Variants in FGF12 observed in about 807,000 individuals in gnomAD.
FGF12 encodes fibroblast growth factor 12.
A neutral mutation model predicts 23.6 loss-of-function variants in FGF12; 14 were observed. That is an observed-to-expected ratio of 0.59 (90% CI 0.39 to 0.93). The LOEUF is 0.93. Among genes scored for constraint, FGF12 ranks in the 40% least tolerant of loss-of-function variants. The pLI is 0.00. For synonymous variants in FGF12, 62 were observed against 77.3 expected, an observed-to-expected ratio of 0.80 and a Z score of 1.04; for missense variants, 175 against 217.8, an observed-to-expected ratio of 0.80 and a Z score of 1.24.
chr3:192,549,897 G>T (rs943076633), intron 2 of FGF12, among the ~76,000 whole-genome samples: 9 of 152,082 alleles, frequency 5.9e-5, no homozygotes, highest in African/African-American at 2.2e-4. Context: ...TTCAGACTTG[G>T]ACAGAAGCTA....
chr3:192,163,670 G>A (rs1458060228), intron 5 of FGF12, among the ~76,000 whole-genome samples: 1 of 152,136 alleles, frequency 6.6e-6, no homozygotes, highest in African/African-American at 2.4e-5. Flanking sequence ...TTTGCTCTGA[G>A]AATCTGTTAG....
intron 5 of FGF12, among the ~76,000 whole-genome samples, chr3:192,154,535 C>T (rs570532744): frequency 6.6e-6 from 1 of 151,024 alleles, no homozygotes; most frequent in African/African-American, 2.4e-5. Flanking sequence ...TTCTAACAGA[C>T]AGGACCCTCA....
In FGF12 at chr3:192,619,070, A is replaced by G. The variant is rs570644934; in HGVS notation, c.13+108111T>C. ...TTTGCTAATTAAATTAGCTAATTAA[A>G]GGCTAATTTAATTGGTAAACATTTG... On this transcript the variant is annotated intron_variant, in intron 2 of 5. Transcript: ENST00000445105. Among the ~76,000 whole-genome samples, 4 of 152,200 alleles carry G rather than the reference A, an allele frequency of 2.6e-5. No homozygotes were observed. The East Asian group carries it at 7.7e-4, about 29-fold the overall frequency.
chr3:192,371,162 A>T (rs1365117472), intron 2 of FGF12, among the ~76,000 whole-genome samples: 2 of 152,226 alleles, frequency 1.3e-5, no homozygotes, highest in Non-Finnish European at 2.9e-5. Flanking sequence ...AAGACACTTC[A>T]AACATGAAGA....
chr3:192,456,460 T>A (rs1229650084), intron 2 of FGF12, among the ~76,000 whole-genome samples: 1 of 152,244 alleles, frequency 6.6e-6, no homozygotes, highest in African/African-American at 2.4e-5. Context: ...AAGATTAATC[T>A]TTTTTATTAT....
chr3:192,552,960 A>C (rs1409371816), intron 2 of FGF12, among the ~76,000 whole-genome samples: 1 of 152,146 alleles, frequency 6.6e-6, no homozygotes, highest in Non-Finnish European at 1.5e-5. Flanking sequence ...ATCTTGAAAC[A>C]ACAGCTGTAA....
chr3:192,585,326 T>C (rs555209599), intron 2 of FGF12, among the ~76,000 whole-genome samples: 146 of 152,278 alleles, frequency 9.6e-4, no homozygotes, highest in African/African-American at 3.3e-3. Context: ...TATAAATCTT[T>C]ATATGTTCTA....
In FGF12 at chr3:192,416,249, G is replaced by A. The variant is rs138560297; in HGVS notation, c.14-55711C>T. Among the ~76,000 whole-genome samples the A allele has an allele frequency of 3.2e-3, 481 of 152,178 alleles. 1 individual carries two copies. Among genetic ancestry groups the A allele is most frequent in the Non-Finnish European group, 4.9e-3 (334 of 67,982 alleles). On this transcript the variant is annotated intron_variant, in intron 2 of 5. Transcript: ENST00000445105. ...ACTGATTAGAAAAAATCTGTCAGAG[G>A]ATCAAATGGAAGTTTGGACAAGGTG...
intron 2 of FGF12, among the ~76,000 whole-genome samples, chr3:192,546,896 C>T (rs1476381104): frequency 6.6e-6 from 1 of 151,950 alleles, no homozygotes; most frequent in African/African-American, 2.4e-5. Context: ...CTAAAAAATA[C>T]AAAAATTAGC....
intron 2 of FGF12, among the ~76,000 whole-genome samples, chr3:192,434,774 C>T (rs1721965630): frequency 1.3e-5 from 2 of 152,066 alleles, no homozygotes; most frequent in Admixed American, 6.6e-5. Flanking sequence ...AAGCCAATCT[C>T]AAAGCATTTC....
intron 2 of FGF12, among the ~76,000 whole-genome samples, chr3:192,497,141 C>T (rs566456103): frequency 6.6e-6 from 1 of 152,230 alleles, no homozygotes; most frequent in South Asian, 2.1e-4. Flanking sequence ...TTTATTCCTC[C>T]GCCCTCTGCC....
chr3:192,506,992 C>T (rs571143297), intron 2 of FGF12, among the ~76,000 whole-genome samples: 5 of 150,772 alleles, frequency 3.3e-5, no homozygotes, highest in East Asian at 2.0e-4. Context: ...CCTGGGTTCA[C>T]GCCATTCTCC....
intron 4 of FGF12, among the ~76,000 whole-genome samples, chr3:192,236,465 T>C (rs1194920860): frequency 6.6e-6 from 1 of 152,204 alleles, no homozygotes; most frequent in Non-Finnish European, 1.5e-5. Context: ...GGTGTTGAAG[T>C]CTGCCACTAT....
chr3:192,165,456 G>A lies in FGF12; in HGVS notation c.427+5002C>T, dbSNP rs552343024. On this transcript the variant is annotated intron_variant, in intron 5 of 5. Coordinates refer to ENST00000445105, the MANE Select transcript of FGF12 (RefSeq NM_004113.6). ...TGAAGGAACATGGTTTTACAGTGAA[G>A]GGCTTATAACGACTGCCACACAATG... Among the ~76,000 whole-genome samples the A allele has an allele frequency of 2.0e-5, 3 of 151,942 alleles. No individual in the cohort carries two copies. In the South Asian group the frequency reaches 6.2e-4, roughly 32 times the overall value.
chr3:192,239,682 T>C (rs1719496102), intron 4 of FGF12, among the ~76,000 whole-genome samples: 1 of 152,222 alleles, frequency 6.6e-6, no homozygotes, highest in South Asian at 2.1e-4. Flanking sequence ...ATGAGGGATC[T>C]AGGCTGAGCG....
intron 4 of FGF12, among the ~76,000 whole-genome samples, chr3:192,202,559 GT>G (rs138268322): frequency 0.021 from 3,151 of 152,066 alleles, 124 homozygotes; most frequent in African/African-American, 0.072. Flanking sequence ...TTTTATTTTT[GT>G]TTTTGACAAC....
At chr3:192,239,833 T>C (rs757191534) in intron 4 of FGF12, among the ~76,000 whole-genome samples, 1 of 152,204 alleles carries the variant, frequency 6.6e-6, no homozygotes, top group African/African-American at 2.4e-5. Context: ...TTGGGGACTG[T>C]TGTGATAGAC....
At position 192,388,822 on chromosome 3, in the gene FGF12, TA is replaced by T. The variant is rs200300594; in HGVS notation, c.14-28285del. 9.3e-3 allele frequency among the ~76,000 whole-genome samples: 1,410 copies of T among 150,950 alleles called. 10 individuals carry two copies. The highest frequency in any genetic ancestry group is 0.033 in the African/African-American group (1,356 of 41,204). ...ATATATTTTAAAACATATTCAATTT[TA>T]AAAAAAAATGAAACATATGGAAAAG... On this transcript the variant is annotated intron_variant, in intron 2 of 5. Coordinates refer to ENST00000445105, the MANE Select transcript of FGF12 (RefSeq NM_004113.6).
At chr3:192,182,989 T>A (rs1454851439) in intron 4 of FGF12, among the ~76,000 whole-genome samples, 1 of 152,218 alleles carries the variant, frequency 6.6e-6, no homozygotes, top group South Asian at 2.1e-4. Flanking sequence ...GTTTAAATTA[T>A]ACATTCATCT....
Sources: gnomAD v4.1 joint callset for allele counts (sites outside exome capture counted in the v4.1 genomes callset) on GRCh38, gnomAD v4.1.1 for gene constraint, MANE v1.5 for transcripts, NCBI Gene and HGNC (gene_info 2026-07-23, HGNC 2026-07-21) for gene names.